ESRRG: variants seen among roughly 807,000 people sequenced by gnomAD.
ESRRG encodes the protein estrogen-related receptor gamma.
A neutral mutation model predicts 44.0 loss-of-function variants in ESRRG; 13 were observed. The ratio of observed to expected loss-of-function variants is 0.30; its 90% CI spans 0.19 to 0.47. The LOEUF (loss-of-function observed/expected upper bound fraction) is 0.47. Among genes scored for constraint, ESRRG ranks in the 20% least tolerant of loss-of-function variants. The pLI, the probability that ESRRG is intolerant of heterozygous loss-of-function variation, is 1.00. For synonymous variants in ESRRG, 215 were observed against 214.6 expected (o/e 1.00, Z -0.02); for missense variants, 395 against 580.6 (o/e 0.68, Z 3.29).
chr1:216,574,886 C>T (rs1437690294), intron 3 of ESRRG, among the ~76,000 whole-genome samples: 1 of 152,120 alleles, frequency 6.6e-6, no homozygotes, highest in Non-Finnish European at 1.5e-5. Context: ...TTTCCTGATA[C>T]AGTAGTTCAC....
At chr1:217,116,705 C>T (rs763277153) in intron 1 of ESRRG, among the ~76,000 whole-genome samples, 2 of 152,172 alleles carry the variant, frequency 1.3e-5, no homozygotes, top group Non-Finnish European at 2.9e-5. Flanking sequence ...ACAGTGTGGG[C>T]AAAGTTTGGG....
chr1:216,564,428 C>A, intron 4 of ESRRG, 48 bp from the exon 5 acceptor site: 1 of 1,470,980 alleles, frequency 6.8e-7, no homozygotes, highest in South Asian at 1.3e-5. Context: ...AGTATCATCC[C>A]TCTTTTATAA....
chr1:216,583,369 C>T (rs960001262), intron 3 of ESRRG, among the ~76,000 whole-genome samples: 1 of 152,338 alleles, frequency 6.6e-6, no homozygotes, highest in East Asian at 1.9e-4. Context: ...AGCAAGGCCT[C>T]TGACAGAAGT....
rs142092864 is a variant in ESRRG, at chr1:216,695,469, C to T, written c.57-17978G>A. On this transcript the variant is annotated intron_variant, in intron 1 of 6. Transcript: ENST00000408911. ...AACAGGATTTTATGATTTCATACAA[C>T]TTCATGTGAGTCTATAATTATCTCA... is the stretch of plus-strand genomic sequence containing the variant. Among the ~76,000 whole-genome samples, 86 of 152,240 alleles carry T rather than the reference C, an allele frequency of 5.6e-4. 1 individual carries two copies. In the East Asian group the frequency reaches 0.015, roughly 27 times the overall value.
intron 2 of ESRRG, among the ~76,000 whole-genome samples, chr1:216,826,256 T>G (rs2095394163): frequency 6.6e-6 from 1 of 150,672 alleles, no homozygotes; most frequent in Non-Finnish European, 1.5e-5. Flanking sequence ...AGTATGTCAA[T>G]GCACATTAGA....
intron 5 of ESRRG, among the ~76,000 whole-genome samples, chr1:216,553,480 A>C (rs1346566851): frequency 6.6e-6 from 1 of 152,126 alleles, no homozygotes; most frequent in Non-Finnish European, 1.5e-5. Context: ...CCCCTTCTGG[A>C]CTTTCTAATA....
At chr1:216,987,328 T>G (rs1413784202) in intron 1 of ESRRG, among the ~76,000 whole-genome samples, 2 of 152,238 alleles carry the variant, frequency 1.3e-5, no homozygotes, top group African/African-American at 4.8e-5. Context: ...CATCAACCTA[T>G]GAAGGAATAC....
rs947005364 is a variant in ESRRG, at chr1:216,682,053, G to T, written c.57-4562C>A. The T allele has an allele frequency of 7.9e-5, 12 of 152,122 alleles. 1 individual carries two copies. Among genetic ancestry groups the T allele is most frequent in the Non-Finnish European group, 1.8e-4 (12 of 68,026 alleles). The allele number at this position is 152,122 out of a possible 1,614,324, so 9.4% of individuals were successfully genotyped here. ...TGGAATAACAATAATGTTCCATAGG[G>T]TTATACATTATTAACCCTTTCACCG... On this transcript the variant is annotated intron_variant, in intron 1 of 6. Coordinates refer to ENST00000408911, the MANE Select transcript of ESRRG (RefSeq NM_001438.4).
At chr1:216,990,962 C>T (rs77224644) in intron 1 of ESRRG, among the ~76,000 whole-genome samples, 3,735 of 152,134 alleles carry the variant, frequency 0.025, 148 homozygotes, top group African/African-American at 0.084. Context: ...ACCCCATATA[C>T]ATCCATGGCC....
At chr1:216,916,695 C>A (rs935556371) in intron 2 of ESRRG, among the ~76,000 whole-genome samples, 1 of 152,062 alleles carries the variant, frequency 6.6e-6, no homozygotes, top group Non-Finnish European at 1.5e-5. Flanking sequence ...CAGATGTAGA[C>A]CATTTTGAGA....
At chr1:216,892,707 C>G (rs1384458270) in intron 2 of ESRRG, among the ~76,000 whole-genome samples, 4 of 152,110 alleles carry the variant, frequency 2.6e-5, no homozygotes, top group African/African-American at 7.2e-5. Context: ...GAAGCAGTGG[C>G]AAGCTGATCT....
intron 1 of ESRRG, among the ~76,000 whole-genome samples, chr1:217,028,439 A>C (rs1488910593): frequency 6.6e-6 from 1 of 152,182 alleles, no homozygotes; most frequent in African/African-American, 2.4e-5. Context: ...TGGAGGACAG[A>C]CATGTCAAGA....
chr1:216,597,192 G>A (rs1039932348), intron 3 of ESRRG, among the ~76,000 whole-genome samples: 5 of 152,026 alleles, frequency 3.3e-5, no homozygotes, highest in African/African-American at 4.8e-5. Context: ...TGCTTATTAC[G>A]CACCAGGCAC....
At chr1:217,002,048 T>C (rs1435381801) in intron 1 of ESRRG, among the ~76,000 whole-genome samples, 4 of 151,874 alleles carry the variant, frequency 2.6e-5, no homozygotes, top group African/African-American at 7.2e-5. Flanking sequence ...ACACCTGTAA[T>C]CCCAGCACTT....
At chr1:216,644,768 T>C (rs961362638) in intron 3 of ESRRG, among the ~76,000 whole-genome samples, 3 of 152,130 alleles carry the variant, frequency 2.0e-5, no homozygotes, top group Non-Finnish European at 4.4e-5. Context: ...AAATCAAGTA[T>C]GAAAATCAAA....
intron 2 of ESRRG, among the ~76,000 whole-genome samples, chr1:216,855,621 G>A (rs2095919557): frequency 6.6e-6 from 1 of 152,186 alleles, no homozygotes; most frequent in Non-Finnish European, 1.5e-5. Flanking sequence ...ACAAGTCTGA[G>A]TCTGTGGCAC....
chr1:216,810,914 C>T (rs778822490), intron 2 of ESRRG, among the ~76,000 whole-genome samples: 9 of 151,214 alleles, frequency 6.0e-5, no homozygotes, highest in Non-Finnish European at 1.3e-4. Flanking sequence ...GCCTCGCTTT[C>T]CAAAAAGCAA....
At chr1:216,604,144 A>G (rs2059623056) in intron 3 of ESRRG, among the ~76,000 whole-genome samples, 1 of 152,206 alleles carries the variant, frequency 6.6e-6, no homozygotes, top group South Asian at 2.1e-4. Context: ...AACAGGGAGA[A>G]TTCAATATGA....
chr1:216,934,108 T>G (rs1447218118), intron 2 of ESRRG, among the ~76,000 whole-genome samples: 2 of 152,220 alleles, frequency 1.3e-5, no homozygotes, highest in Non-Finnish European at 2.9e-5. Flanking sequence ...AGATGATATT[T>G]GTGTATTAGT....
Sources: allele counts gnomAD v4.1 joint callset (sites outside exome capture counted in the v4.1 genomes callset), GRCh38; gene constraint gnomAD v4.1.1; transcripts MANE v1.5; gene names NCBI Gene and HGNC (gene_info 2026-07-23, HGNC 2026-07-21).